Variants in CORIN observed in about 807,000 individuals in gnomAD.
CORIN encodes atrial natriuretic peptide-converting enzyme.
Under a neutral mutation model 125.3 loss-of-function variants are expected in CORIN, and 117 were observed. The ratio of observed to expected loss-of-function variants is 0.93; its 90% confidence interval spans 0.80 to 1.09. The LOEUF (loss-of-function observed/expected upper bound fraction) is 1.09, where lower values mean the gene tolerates loss of function less well. Ranked by LOEUF, CORIN falls within the 50% of genes least tolerant of loss-of-function variation. CORIN has a pLI of 0.00. For missense variants in CORIN, 1,253 were observed against 1,306.7 expected (o/e 0.96, Z 0.63); for synonymous variants, 450 against 466.4 (o/e 0.96, Z 0.45).
chr4:47,750,792 A>G (rs1309777705), intron 4 of CORIN, among the ~76,000 whole-genome samples: 5 of 152,318 alleles, frequency 3.3e-5, no homozygotes, highest in Middle Eastern at 3.4e-3. Context: ...ACCCAACAGG[A>G]AGCTAGAAAG....
intron 4 of CORIN, among the ~76,000 whole-genome samples, chr4:47,761,108 G>T (rs1729430113): frequency 6.6e-6 from 1 of 152,176 alleles, no homozygotes; most frequent in African/African-American, 2.4e-5. Flanking sequence ...AGGCTGTTTT[G>T]CCTTCTAATC....
intron 19 of CORIN, among the ~76,000 whole-genome samples, chr4:47,621,850 CTTT>C (rs869215076): frequency 7.2e-6 from 1 of 138,758 alleles, no homozygotes; most frequent in East Asian, 2.1e-4. Context: ...AGATAAAAAT[CTTT>C]TTTTTTTTTT....
intron 2 of CORIN, among the ~76,000 whole-genome samples, chr4:47,788,221 A>G (rs1730907364): frequency 6.6e-6 from 1 of 152,240 alleles, no homozygotes; most frequent in Non-Finnish European, 1.5e-5. Context: ...TCACTTTTCT[A>G]AATAGTCCCA....
At chr4:47,715,908 A>T (rs1727068419) in intron 5 of CORIN, among the ~76,000 whole-genome samples, 1 of 152,196 alleles carries the variant, frequency 6.6e-6, no homozygotes, top group Non-Finnish European at 1.5e-5. Context: ...AATAGTGTTC[A>T]AGCTTCCTCT....
chr4:47,612,243 C>T (rs770074531), intron 19 of CORIN, among the ~76,000 whole-genome samples: 3 of 152,048 alleles, frequency 2.0e-5, no homozygotes, highest in Non-Finnish European at 2.9e-5. Context: ...GGGGTAAATT[C>T]AGTAAGTACA....
intron 1 of CORIN, among the ~76,000 whole-genome samples, chr4:47,825,269 C>A (rs886731832): frequency 2.0e-5 from 3 of 152,180 alleles, no homozygotes; most frequent in African/African-American, 4.8e-5. Flanking sequence ...TCTTTCCTGG[C>A]AATTATGTGG....
intron 14 of CORIN, among the ~76,000 whole-genome samples, chr4:47,644,720 T>C (rs1462521568): frequency 6.6e-6 from 1 of 152,176 alleles, no homozygotes. Flanking sequence ...ATATTCTGTT[T>C]TACTCAACTA....
chr4:47,809,429 G>A (rs1387999356), intron 1 of CORIN, among the ~76,000 whole-genome samples: 1 of 117,486 alleles, frequency 8.5e-6, no homozygotes, highest in Non-Finnish European at 1.6e-5. Context: ...TTTTGAGATA[G>A]AGTCTCGTTC....
At chr4:47,825,697 C>CTTTTTT (rs759495221) in intron 1 of CORIN, among the ~76,000 whole-genome samples, 1 of 134,794 alleles carries the variant, frequency 7.4e-6, no homozygotes, top group African/African-American at 2.8e-5. Flanking sequence ...CAAACCACTG[C>CTTTTTT]TTTTTTTTTT....
Position 47,734,905 on chromosome 4 carries a change from C to CA in CORIN, c.799+9496dup, listed in dbSNP as rs545207830. On this transcript the variant is annotated intron_variant, in intron 5 of 21. Transcript: ENST00000273857. ...GCCAAATGTTCCCAAATGGGGGCTG[C>CA]AAAATCACCCCTAGTGAAGAACCAA... is the stretch of plus-strand genomic sequence containing the variant. 2.8e-3 allele frequency among the ~76,000 whole-genome samples: 433 copies of CA among 152,252 alleles called. 5 individuals carry two copies. Among genetic ancestry groups the CA allele is most frequent in the African/African-American group, 9.5e-3 (396 of 41,540 alleles).
intron 19 of CORIN, among the ~76,000 whole-genome samples, chr4:47,607,343 A>G (rs1721692738): frequency 6.6e-6 from 1 of 151,646 alleles, no homozygotes; most frequent in Non-Finnish European, 1.5e-5. Flanking sequence ...GGGAGGCAGA[A>G]CTTGCAGTGA....
intron 4 of CORIN, among the ~76,000 whole-genome samples, chr4:47,756,835 G>C (rs1577895281): frequency 3.9e-5 from 6 of 152,252 alleles, no homozygotes; most frequent in Middle Eastern, 3.4e-3. Flanking sequence ...AATCTGCTGG[G>C]TCTCCTCCAT....
intron 5 of CORIN, among the ~76,000 whole-genome samples, chr4:47,743,848 G>A (rs1728532165): frequency 6.6e-6 from 1 of 151,406 alleles, no homozygotes; most frequent in African/African-American, 2.4e-5. Context: ...TCATGCCACT[G>A]CACTCCAGCC....
At chr4:47,615,862 A>C (rs1325074548) in intron 19 of CORIN, among the ~76,000 whole-genome samples, 1 of 152,190 alleles carries the variant, frequency 6.6e-6, no homozygotes, top group Non-Finnish European at 1.5e-5. Context: ...TTGGAGTAGG[A>C]TTATAGCATT....
intron 4 of CORIN, among the ~76,000 whole-genome samples, chr4:47,752,191 C>T (rs1440105301): frequency 2.0e-5 from 3 of 152,162 alleles, no homozygotes; most frequent in East Asian, 1.9e-4. Context: ...CCTCCCAAAG[C>T]TCTCCATTCC....
chr4:47,672,333 C>A (rs142179167), intron 10 of CORIN, among the ~76,000 whole-genome samples: 2 of 152,002 alleles, frequency 1.3e-5, no homozygotes, highest in African/African-American at 4.8e-5. Context: ...ATTTAAAATT[C>A]GAAATATTTC....
At chr4:47,624,908 A>G (rs549334067) in intron 17 of CORIN, among the ~76,000 whole-genome samples, 30 of 152,138 alleles carry the variant, frequency 2.0e-4, no homozygotes, top group African/African-American at 7.0e-4. Context: ...CTAAATATAT[A>G]ATTTCCACAT....
chr4:47,837,636 T>C (rs1169358891), intron 1 of CORIN: 1 of 598,532 alleles, frequency 1.7e-6, no homozygotes, highest in Non-Finnish European at 3.0e-6. Context: ...AAGGAAACCC[T>C]GCCCATGACC....
chr4:47,763,512 C>G lies in CORIN; in HGVS notation c.484G>C (p.Val162Leu). The G allele has an allele frequency of 6.2e-7, 1 of 1,614,112 alleles. No homozygotes were observed. Among genetic ancestry groups the G allele is most frequent in the Non-Finnish European group, 8.5e-7 (1 of 1,180,014 alleles). Reference protein sequence around the residue: ...YHATLTPLLSVVRNMEMEKFL... With the variant: ...YHATLTPLLSLVRNMEMEKFL... ...TTTTCCATTTCCATGTTTCTGACAACTGAGAGGAGAGGTGTCAGCGTGGCG... is the reference window on the plus strand; with the variant it reads ...TTTTCCATTTCCATGTTTCTGACAAGTGAGAGGAGAGGTGTCAGCGTGGCG... The change falls in exon 4 of 22, where the codon GTT (valine) becomes CTT (leucine). Residue 162 changes from valine (V) to leucine (L), a missense_variant. Transcript: ENST00000273857.
Sources: allele counts gnomAD v4.1 joint callset (sites outside exome capture counted in the v4.1 genomes callset), GRCh38; gene constraint gnomAD v4.1.1; transcripts MANE v1.5; gene names NCBI Gene and HGNC (gene_info 2026-07-23, HGNC 2026-07-21).